Variants in ANK3 observed in about 807,000 individuals in gnomAD.
ANK3 encodes the protein ankyrin-3.
A neutral mutation model predicts 370.9 loss-of-function variants in ANK3; 57 were observed. The ratio of observed to expected loss-of-function variants is 0.15; its 90% confidence interval spans 0.12 to 0.19. The LOEUF (loss-of-function observed/expected upper bound fraction) is 0.19. Ranked by LOEUF, ANK3 falls within the 10% of genes least tolerant of loss-of-function variation. The pLI, the probability that ANK3 is intolerant of heterozygous loss-of-function variation, is 1.00. For synonymous variants in ANK3, 1,929 were observed against 1,946.3 expected (o/e 0.99, Z 0.23); for missense variants, 4,439 against 5,302.1 (o/e 0.84, Z 5.06).
intron 23 of ANK3, among the ~76,000 whole-genome samples, chr10:60,158,609 C>T (rs1477016638): frequency 6.6e-6 from 1 of 151,056 alleles, no homozygotes; most frequent in Non-Finnish European, 1.5e-5. Flanking sequence ...TTATGGTAAG[C>T]ACAAAAACCT....
At chr10:60,301,239 TATAC>T (rs1330488523) in intron 1 of ANK3, among the ~76,000 whole-genome samples, 4 of 142,344 alleles carry the variant, frequency 2.8e-5, no homozygotes, top group African/African-American at 5.1e-5. Flanking sequence ...ATAAAGTATA[TATAC>T]ATATACACAC....
Position 60,072,831 on chromosome 10 carries a change from C to A in ANK3, c.8050G>T (p.Asp2684Tyr), listed in dbSNP as rs1185091198. 1 of 1,613,996 alleles carries A rather than the reference C, an allele frequency of 6.2e-7. No homozygotes were observed. The highest frequency in any genetic ancestry group is 8.5e-7 in the Non-Finnish European group (1 of 1,180,012). The stretch of plus-strand genomic sequence containing the variant: ...TTGGCTTCCACTGTGGACTTGCTGT[C>A]CTCAGTCTGTTGGGAGAGAACCATC... Reference protein sequence around the residue: ...EKMVLSQQTEDSKSTVEAKGS... With the variant: ...EKMVLSQQTEYSKSTVEAKGS... Residue 2684 changes from aspartate (D) to tyrosine (Y), a missense_variant, in exon 37 of 44, where the codon GAC becomes TAC. Physicochemically the swap from Asp to Tyr is radical, Grantham distance 160. Transcript: ENST00000280772.
intron 2 of ANK3, among the ~76,000 whole-genome samples, chr10:60,488,732 G>A (rs919535731): frequency 2.0e-5 from 3 of 152,216 alleles, no homozygotes; most frequent in Non-Finnish European, 2.9e-5. Context: ...TTTCATCCAC[G>A]TGATAGAAAA....
intron 28 of ANK3, among the ~76,000 whole-genome samples, chr10:60,092,334 C>A (rs2088775325): frequency 6.6e-6 from 1 of 152,122 alleles, no homozygotes; most frequent in Non-Finnish European, 1.5e-5. Context: ...ATTTCTGCCT[C>A]CTTTATCAGA....
intron 10 of ANK3, 117 bp from the exon 11 acceptor site, chr10:60,206,007 T>C (rs2096756831): frequency 1.4e-6 from 1 of 708,680 alleles, no homozygotes; most frequent in African/African-American, 1.7e-5. Context: ...GAACAGAAAG[T>C]ACCAGGGTTA....
chr10:60,640,033 A>C (rs2078609014), intron 1 of ANK3, among the ~76,000 whole-genome samples: 1 of 152,110 alleles, frequency 6.6e-6, no homozygotes. Flanking sequence ...TACAAATACT[A>C]ACAAAGACAA....
intron 2 of ANK3, among the ~76,000 whole-genome samples, chr10:60,463,445 C>CCTCTG (rs1277278940): frequency 6.6e-6 from 1 of 152,066 alleles, no homozygotes; most frequent in Non-Finnish European, 1.5e-5. Context: ...AAGACAGAAC[C>CCTCTG]CTCTGGCATG....
At chr10:60,149,282 C>T (rs1477630986) in intron 23 of ANK3, among the ~76,000 whole-genome samples, 3 of 152,144 alleles carry the variant, frequency 2.0e-5, no homozygotes, top group South Asian at 2.1e-4. Context: ...GCTCCCTGTG[C>T]ACCACCTTGT....
chr10:60,707,455 T>C (rs2079636374), intron 1 of ANK3, among the ~76,000 whole-genome samples: 1 of 152,110 alleles, frequency 6.6e-6, no homozygotes, highest in Non-Finnish European at 1.5e-5. Flanking sequence ...GATTTAAATC[T>C]AAAATCATCA....
chr10:60,123,856 A>G lies in ANK3; in HGVS notation c.2842-9525T>C, dbSNP rs1000512427. ...GTAAAGGGCTATCAGGGATAACTTC[A>G]CTCTACGGCCACAACTTGGACAGGG... On this transcript the variant is annotated intron_variant, in intron 25 of 43. Coordinates refer to ENST00000280772, the MANE Select transcript of ANK3 (RefSeq NM_020987.5). 3.3e-5 allele frequency among the ~76,000 whole-genome samples: 5 copies of G among 152,180 alleles called. No homozygotes were observed. The South Asian group carries it at 1.0e-3, about 32-fold the overall frequency.
intron 26 of ANK3, among the ~76,000 whole-genome samples, chr10:60,112,200 C>G (rs2092762233): frequency 6.6e-6 from 1 of 151,996 alleles, no homozygotes; most frequent in Non-Finnish European, 1.5e-5. Context: ...TAAATTAAGC[C>G]CTAGTACCTT....
chr10:60,059,238 A>T, intron 41 of ANK3, 102 bp downstream of exon 41: 1 of 988,146 alleles, frequency 1.0e-6, no homozygotes, highest in East Asian at 2.4e-5. Flanking sequence ...TCCCAGAACT[A>T]GAATGGTAAT....
intron 7 of ANK3, among the ~76,000 whole-genome samples, chr10:60,258,634 A>G (rs2097767084): frequency 6.6e-6 from 1 of 152,158 alleles, no homozygotes; most frequent in Non-Finnish European, 1.5e-5. Flanking sequence ...TTTGGAAAGG[A>G]ACATCTATTG....
chr10:60,293,204 A>G (rs1566327788), intron 1 of ANK3, among the ~76,000 whole-genome samples: 1 of 152,184 alleles, frequency 6.6e-6, no homozygotes, highest in Non-Finnish European at 1.5e-5. Context: ...TGGCTGCTTT[A>G]AACATCCCCC....
intron 2 of ANK3, among the ~76,000 whole-genome samples, chr10:60,536,325 C>T (rs1213704573): frequency 6.6e-6 from 1 of 151,944 alleles, no homozygotes; most frequent in Non-Finnish European, 1.5e-5. Context: ...GCTTGTTTTG[C>T]AGAAGAGTGC....
At chr10:60,709,929 T>C (rs1055402439) in intron 1 of ANK3, among the ~76,000 whole-genome samples, 1 of 152,196 alleles carries the variant, frequency 6.6e-6, no homozygotes, top group African/African-American at 2.4e-5. Flanking sequence ...ACAACATCTG[T>C]TTACAAGATG....
Position 60,029,744 on chromosome 10 carries a change from A to G in ANK3, c.*102T>C, listed in dbSNP as rs1588963355. 6.6e-6 allele frequency: 1 copy of G among 151,748 alleles called. No homozygotes were observed. The highest frequency in any genetic ancestry group is 2.1e-4 in the South Asian group (1 of 4,766). The allele number at this position is 151,748 out of a possible 1,614,324, so 9.4% of individuals were successfully genotyped here. ...ATTAATGTGTGGAAGCAGCGAACAC[A>G]CACACACTTCTCGGTGAATTTTTAC... is the stretch of plus-strand genomic sequence containing the variant. On this transcript the variant is annotated 3_prime_UTR_variant, in exon 44 of 44. Transcript: ENST00000280772.
At chr10:60,696,008 G>C (rs1292807415) in intron 1 of ANK3, among the ~76,000 whole-genome samples, 2 of 150,510 alleles carry the variant, frequency 1.3e-5, no homozygotes, top group Non-Finnish European at 3.0e-5. Flanking sequence ...CCGCTAGCAA[G>C]ACTAATAAAG....
chr10:60,236,860 G>T (rs911235891), intron 7 of ANK3, among the ~76,000 whole-genome samples: 3 of 152,218 alleles, frequency 2.0e-5, no homozygotes, highest in African/African-American at 7.2e-5. Context: ...ATTCTGCTTT[G>T]CAGGCCATAC....
Sources: gnomAD v4.1 joint callset for allele counts (sites outside exome capture counted in the v4.1 genomes callset) on GRCh38, gnomAD v4.1.1 for gene constraint, MANE v1.5 for transcripts, NCBI Gene and HGNC (gene_info 2026-07-23, HGNC 2026-07-21) for gene names.